GCNT2: variants seen among roughly 807,000 people sequenced by gnomAD.
GCNT2 encodes glucosaminyl (N-acetyl) transferase 2 (I blood group).
In GCNT2, 34 loss-of-function variants were observed where a neutral mutation model predicts 34.2. The ratio of observed to expected loss-of-function variants is 1.00; its 90% CI spans 0.76 to 1.32. GCNT2 has a LOEUF of 1.32. Among genes scored for constraint, GCNT2 ranks in the 40% most tolerant of loss-of-function variants. The pLI, the probability that GCNT2 is intolerant of heterozygous loss-of-function variation, is 0.00. For missense variants in GCNT2, 584 were observed against 489.4 expected (o/e 1.19, Z -1.82); for synonymous variants, 212 against 188.0 (o/e 1.13, Z -1.04).
At position 10,585,973 on chromosome 6, in the gene GCNT2, C is replaced by T. The variant is rs2127412695; in HGVS notation, c.926-35378C>T. The T allele has an allele frequency of 4.3e-6, 7 of 1,613,288 alleles. No individual in the cohort carries two copies. In the East Asian group the frequency reaches 1.6e-4, roughly 36 times the overall value. ...TCCCTGAAAAGAAGAGATTGTTTCC[C>T]CAGGGAAGTGAAAATAATGAACTTT... On this transcript the variant is annotated intron_variant, in intron 3 of 4. Transcript: ENST00000495262.
At chr6:10,598,819 G>A (rs1222525403) in intron 3 of GCNT2, among the ~76,000 whole-genome samples, 1 of 152,100 alleles carries the variant, frequency 6.6e-6, no homozygotes, top group South Asian at 2.1e-4. Flanking sequence ...TTCCTAGTGT[G>A]TGTGACGTGA....
intron 3 of GCNT2, among the ~76,000 whole-genome samples, chr6:10,589,113 GGTGT>G (rs1462597264): frequency 7.9e-6 from 1 of 126,960 alleles, no homozygotes; most frequent in African/African-American, 2.8e-5. Context: ...GTGTGTGTGT[GGTGT>G]GTGTGTATGT....
rs116608304 is a variant in GCNT2 at position 10,585,618 on chromosome 6, C to A, written c.926-35733C>A. ...CGGTGAGGGTGAAGCAAGAGAAACT[C>A]GGCTCCAGTGAAAAGGACCCATCAT... On this transcript the variant is annotated intron_variant, in intron 3 of 4. Coordinates refer to ENST00000495262, the MANE Select transcript of GCNT2 (RefSeq NM_145649.5). The A allele has an allele frequency of 3.6e-3, 1,135 of 314,558 alleles. 15 individuals carry two copies. Among genetic ancestry groups the A allele is most frequent in the African/African-American group, 0.023 (1,043 of 46,108 alleles). 19.5% of individuals were successfully genotyped at this position (314,558 alleles called of 1,614,324 possible).
chr6:10,626,562 C>T lies in GCNT2; in HGVS notation c.1164C>T (p.Thr388=), dbSNP rs767031944. Residue 388 remains threonine (T), a synonymous_variant, in exon 5 of 5, where the codon ACC becomes ACT. Coordinates refer to ENST00000495262, the MANE Select transcript of GCNT2 (RefSeq NM_145649.5). ...ECLELRHRER[T]LNQSETAIQP... is the part of the protein sequence containing the mutation. ...TAGAACTGAGGCATCGCGAAAGAAC[C>T]CTCAATCAGAGTGAAACTGCGATAC... 7 of 1,613,816 alleles carry T rather than the reference C, an allele frequency of 4.3e-6. No homozygotes were observed. The East Asian group carries it at 8.9e-5, about 21-fold the overall frequency.
chr6:10,553,557 T>C (rs1762566727), intron 3 of GCNT2, among the ~76,000 whole-genome samples: 1 of 152,242 alleles, frequency 6.6e-6, no homozygotes, highest in Non-Finnish European at 1.5e-5. Context: ...GATACTCTCT[T>C]TCCTTTGGAG....
chr6:10,600,012 G>GA (rs1430032399), intron 3 of GCNT2, among the ~76,000 whole-genome samples: 1 of 152,188 alleles, frequency 6.6e-6, no homozygotes, highest in Non-Finnish European at 1.5e-5. Context: ...ATTTAAAGTG[G>GA]AGAAACCAGG....
intron 3 of GCNT2, among the ~76,000 whole-genome samples, chr6:10,605,206 GA>G: frequency 7.9e-6 from 1 of 125,846 alleles, no homozygotes; most frequent in Admixed American, 9.1e-5. Context: ...TTTCATGTAG[GA>G]ATTTTTTTTT....
intron 3 of GCNT2, among the ~76,000 whole-genome samples, chr6:10,534,043 G>T (rs1344699735): frequency 6.6e-6 from 1 of 150,742 alleles, no homozygotes; most frequent in East Asian, 2.0e-4. Context: ...TGAAATTCTT[G>T]CCTGTGCTTC....
chr6:10,582,536 T>TATA (rs1554133689), intron 3 of GCNT2, among the ~76,000 whole-genome samples: 6,158 of 117,562 alleles, frequency 0.052, 263 homozygotes, highest in Non-Finnish European at 0.086. Context: ...CATCATATAT[T>TATA]ATATATCATG....
At chr6:10,606,738 A>T (rs1278624972) in intron 3 of GCNT2, among the ~76,000 whole-genome samples, 1 of 144,780 alleles carries the variant, frequency 6.9e-6, no homozygotes, top group South Asian at 2.1e-4. Flanking sequence ...TAACATTTTA[A>T]AAATAAAATG....
At chr6:10,615,829 A>G (rs1287694987) in intron 3 of GCNT2, among the ~76,000 whole-genome samples, 4 of 152,214 alleles carry the variant, frequency 2.6e-5, no homozygotes, top group African/African-American at 7.2e-5. Context: ...TGACATTGCT[A>G]TGGCAGTGGT....
intron 3 of GCNT2, among the ~76,000 whole-genome samples, chr6:10,579,427 G>A (rs1024379573): frequency 1.1e-4 from 16 of 152,068 alleles, no homozygotes; most frequent in African/African-American, 3.9e-4. Context: ...TTCAAAGAAA[G>A]CTAGGTTGGC....
At chr6:10,554,821 A>G (rs780381148) in intron 3 of GCNT2, among the ~76,000 whole-genome samples, 21 of 152,166 alleles carry the variant, frequency 1.4e-4, no homozygotes, top group Non-Finnish European at 2.9e-4. Flanking sequence ...TGGGTTATAT[A>G]GAGAGTTTAT....
At chr6:10,564,171 T>C (rs644108) in intron 3 of GCNT2, among the ~76,000 whole-genome samples, 3,133 of 152,224 alleles carry the variant, frequency 0.021, 105 homozygotes, top group African/African-American at 0.069. Flanking sequence ...AGTATCTCAG[T>C]TGAATCTCCA....
intron 3 of GCNT2, among the ~76,000 whole-genome samples, chr6:10,531,203 A>G (rs76705870): frequency 9.8e-4 from 150 of 152,316 alleles, no homozygotes; most frequent in African/African-American, 3.2e-3. Flanking sequence ...TTGACTTTCA[A>G]TAAGGTCTCA....
chr6:10,523,271 C>T (rs1445509677), intron 1 of GCNT2, among the ~76,000 whole-genome samples: 1 of 151,830 alleles, frequency 6.6e-6, no homozygotes, highest in East Asian at 1.9e-4. Context: ...AAAGAAAATA[C>T]AAAAATTAGC....
chr6:10,625,034 C>T (rs1766198044), intron 4 of GCNT2, among the ~76,000 whole-genome samples: 1 of 152,110 alleles, frequency 6.6e-6, no homozygotes, highest in Non-Finnish European at 1.5e-5. Context: ...TTCTCGCCGC[C>T]TGGTCATTCT....
intron 3 of GCNT2, chr6:10,557,254 T>C (rs1290125825): frequency 1.2e-6 from 2 of 1,606,318 alleles, no homozygotes; most frequent in African/African-American, 2.7e-5. Context: ...TTGTTCTGCA[T>C]GACCCACGGG....
intron 3 of GCNT2, among the ~76,000 whole-genome samples, chr6:10,589,164 G>GGT (rs377736417): frequency 9.1e-6 from 1 of 109,928 alleles, no homozygotes; most frequent in Non-Finnish European, 2.2e-5. Context: ...GTGTGCGTGT[G>GGT]GTGTGTGTGT....
Sources: allele counts gnomAD v4.1 joint callset (sites outside exome capture counted in the v4.1 genomes callset), GRCh38; gene constraint gnomAD v4.1.1; transcripts MANE v1.5; gene names NCBI Gene and HGNC (gene_info 2026-07-23, HGNC 2026-07-21).